The following FYB2 variants were observed in gnomAD, a reference collection of about 807,000 sequenced individuals.
FYB2 encodes the protein FYN-binding protein 2.
In FYB2, 103 loss-of-function variants were observed where a neutral mutation model predicts 94.1. The ratio of observed to expected loss-of-function variants is 1.09; its 90% CI spans 0.93 to 1.29. FYB2 has a LOEUF of 1.29. Among genes scored for constraint, FYB2 ranks in the 50% most tolerant of loss-of-function variants. The probability of loss-of-function intolerance (pLI) is 0.00; values close to 1 mark genes in which losing one functional copy is unlikely to be tolerated. For synonymous variants in FYB2, 293 were observed against 287.9 expected (o/e 1.02, Z -0.18); for missense variants, 896 against 841.5 (o/e 1.06, Z -0.80).
Position 56,766,812 on chromosome 1 carries a change from A to G in FYB2, c.1063+1017T>C, listed in dbSNP as rs369118955. On this transcript the variant is annotated intron_variant, in intron 5 of 19. Coordinates refer to ENST00000343433, the MANE Select transcript of FYB2 (RefSeq NM_001004303.5). ...TCCTTACCTCATGAACTTCCTAAGT[A>G]TGTATTCCCAGGAAAATGACTTCCT... 5.9e-5 allele frequency among the ~76,000 whole-genome samples: 9 copies of G among 152,288 alleles called. No homozygotes were observed. The East Asian group carries it at 1.2e-3, about 20-fold the overall frequency.
intron 9 of FYB2, among the ~76,000 whole-genome samples, chr1:56,748,439 G>T (rs1005389320): frequency 6.6e-6 from 1 of 152,004 alleles, no homozygotes; most frequent in Non-Finnish European, 1.5e-5. Context: ...TGTGAGGAAG[G>T]GGTCCAGTTT....
chr1:56,815,598 T>C (rs1646865518), intron 1 of FYB2, among the ~76,000 whole-genome samples: 1 of 152,184 alleles, frequency 6.6e-6, no homozygotes, highest in Non-Finnish European at 1.5e-5. Context: ...TGGGGCACAC[T>C]GGATAAGTCG....
intron 9 of FYB2, among the ~76,000 whole-genome samples, chr1:56,744,808 C>A (rs1645033641): frequency 6.6e-6 from 1 of 152,006 alleles, no homozygotes; most frequent in African/African-American, 2.4e-5. Flanking sequence ...CAAGTAGATG[C>A]TGGCTTACTT....
intron 1 of FYB2, among the ~76,000 whole-genome samples, chr1:56,793,432 CA>C (rs542122392): frequency 1.3e-5 from 2 of 151,344 alleles, no homozygotes; most frequent in South Asian, 2.1e-4. Context: ...ATTCAATATG[CA>C]AAAAAAATAT....
chr1:56,787,302 T>C lies in FYB2; in HGVS notation c.920-94A>G, dbSNP rs1234970319. 2.0e-6 allele frequency: 3 copies of C among 1,478,030 alleles called. No homozygotes were observed. The East Asian group carries it at 6.8e-5, about 34-fold the overall frequency. 91.6% of individuals were successfully genotyped at this position (1,478,030 alleles called of 1,614,324 possible). ...TGTGATGACTTGATCCCACAGATAA[T>C]GTGGAGAGTGGAAGCTTGCCTGTGC... On this transcript the variant is annotated intron_variant, in intron 3 of 19. Transcript: ENST00000343433.
intron 6 of FYB2, among the ~76,000 whole-genome samples, chr1:56,757,675 TTTCCTTCC>T (rs765794124): frequency 1.0e-5 from 1 of 98,976 alleles, no homozygotes; most frequent in African/African-American, 4.0e-5. Context: ...TTCTTTCCTC[TTTCCTTCC>T]TTCCTTCTTT....
chr1:56,783,233 T>C (rs1244927662), intron 4 of FYB2, among the ~76,000 whole-genome samples: 1 of 152,198 alleles, frequency 6.6e-6, no homozygotes, highest in South Asian at 2.1e-4. Context: ...ATAATAATAT[T>C]GTGCCCACTT....
chr1:56,773,433 G>T (rs1461367160), intron 4 of FYB2, among the ~76,000 whole-genome samples: 1 of 152,168 alleles, frequency 6.6e-6, no homozygotes, highest in Non-Finnish European at 1.5e-5. Flanking sequence ...CCATGTGTTA[G>T]ACACCGTGCA....
At chr1:56,819,701 C>T (rs1020694026), upstream of FYB2, 2 of 305,538 alleles carry the variant, frequency 6.5e-6, no homozygotes, top group Non-Finnish European at 1.2e-5. Context: ...TAGTACAGAC[C>T]ATGCAGGCTG....
chr1:56,802,840 A>C (rs1048458728), intron 1 of FYB2, among the ~76,000 whole-genome samples: 1 of 152,178 alleles, frequency 6.6e-6, no homozygotes, highest in Non-Finnish European at 1.5e-5. Context: ...CTTTCTGTCC[A>C]TCCATCACCA....
Position 56,792,589 on chromosome 1 carries a change from T to C in FYB2, c.224A>G (p.Gln75Arg). 4.3e-6 allele frequency: 7 copies of C among 1,614,094 alleles called. No homozygotes were observed. The highest frequency in any genetic ancestry group is 5.1e-6 in the Non-Finnish European group (6 of 1,180,006). Residue 75 changes from glutamine (Q) to arginine (R), a missense_variant, in exon 2 of 20, where the codon CAA (glutamine) becomes CGA (arginine). Transcript: ENST00000343433. ...CTGAGCCAACTTTATTTTCTGAGGT[T>C]GAAGAGGCTGGGACTCACTACTGGA... ...YCSSSESQPLQPQKIKLAQKS... is the reference protein window; with the variant it reads ...YCSSSESQPLRPQKIKLAQKS...
chr1:56,814,088 C>T (rs1157816013), intron 1 of FYB2, among the ~76,000 whole-genome samples: 1 of 152,122 alleles, frequency 6.6e-6, no homozygotes. Context: ...GGGAAGGTTT[C>T]TCAAGGAGGT....
intron 13 of FYB2, among the ~76,000 whole-genome samples, chr1:56,740,335 T>C (rs772687276): frequency 2.0e-5 from 3 of 152,124 alleles, no homozygotes; most frequent in Non-Finnish European, 4.4e-5. Flanking sequence ...CTACTGGGGC[T>C]TGTAGGGCCC....
At chr1:56,757,536 T>G (rs1340582624) in intron 6 of FYB2, among the ~76,000 whole-genome samples, 1 of 152,086 alleles carries the variant, frequency 6.6e-6, no homozygotes, top group Non-Finnish European at 1.5e-5. Context: ...GTCCCTTTAT[T>G]TATTGAGCAT....
At chr1:56,816,219 C>T (rs146565302) in intron 1 of FYB2, among the ~76,000 whole-genome samples, 1 of 152,274 alleles carries the variant, frequency 6.6e-6, no homozygotes, top group Non-Finnish European at 1.5e-5. Flanking sequence ...CTCTGTTCCA[C>T]AGGGTGTTGG....
intron 3 of FYB2, 99 bp downstream of exon 3, chr1:56,788,874 C>T (rs772519188): frequency 2.0e-6 from 3 of 1,494,812 alleles, no homozygotes; most frequent in East Asian, 4.5e-5. Context: ...GATGTCCAGC[C>T]TCATGGAAAA....
chr1:56,813,031 A>G (rs898978440), intron 1 of FYB2, among the ~76,000 whole-genome samples: 4 of 152,170 alleles, frequency 2.6e-5, no homozygotes, highest in Admixed American at 6.5e-5. Flanking sequence ...AAGGATCTGT[A>G]CCAGACCTCT....
At position 56,751,034 on chromosome 1, in the gene FYB2, T is replaced by C. The variant is rs1375022486; in HGVS notation, c.1387+10A>G. The C allele has an allele frequency of 6.2e-7, 1 of 1,607,008 alleles. No homozygotes were observed. The highest frequency in any genetic ancestry group is 1.1e-5 in the South Asian group (1 of 90,088). ...AATGATGAAGAAGATCAGAAAGAAATGCAACTTACAGTGGCCTTGGGAGTG... is the reference window on the plus strand; with the variant it reads ...AATGATGAAGAAGATCAGAAAGAAACGCAACTTACAGTGGCCTTGGGAGTG... On this transcript the variant is annotated intron_variant, in intron 9 of 19. Transcript: ENST00000343433.
intron 12 of FYB2, among the ~76,000 whole-genome samples, chr1:56,741,329 C>G (rs772079595): frequency 5.9e-5 from 9 of 152,012 alleles, no homozygotes; most frequent in Non-Finnish European, 1.3e-4. Flanking sequence ...GCAGTCTTCC[C>G]TTTAGAGGAA....
Sources: gnomAD v4.1 joint callset for allele counts (sites outside exome capture counted in the v4.1 genomes callset) on GRCh38, gnomAD v4.1.1 for gene constraint, MANE v1.5 for transcripts, NCBI Gene and HGNC (gene_info 2026-07-23, HGNC 2026-07-21) for gene names.